CS: variants seen among roughly 807,000 people sequenced by gnomAD.
The protein encoded by CS is citrate synthase.
CS carries 13 observed loss-of-function variants against 61.4 expected under a neutral mutation model. The ratio of observed to expected loss-of-function variants is 0.21; its 90% CI spans 0.14 to 0.34. The LOEUF (loss-of-function observed/expected upper bound fraction) is 0.34. Among genes scored for constraint, CS ranks in the 10% least tolerant of loss-of-function variants. CS has a pLI of 1.00. For missense variants in CS, 278 were observed against 573.4 expected, an observed-to-expected ratio of 0.48 and a Z score of 5.26; for synonymous variants, 159 against 215.2, an observed-to-expected ratio of 0.74 and a Z score of 2.29.
At chr12:56,289,386 G>T (rs1423505468) in intron 1 of CS, among the ~76,000 whole-genome samples, 1 of 152,092 alleles carries the variant, frequency 6.6e-6, no homozygotes, top group Non-Finnish European at 1.5e-5. Flanking sequence ...AGCCCAGCAG[G>T]AGACCTTTTA....
At chr12:56,300,137 T>A in intron 1 of CS, 23 bp downstream of exon 1, 4 of 1,554,948 alleles carry the variant, frequency 2.6e-6, no homozygotes, top group Non-Finnish European at 3.5e-6. Context: ...TGGGACGGCG[T>A]GCTCCCTCCC....
At chr12:56,297,599 G>C (rs1291860228) in intron 1 of CS, among the ~76,000 whole-genome samples, 1 of 152,152 alleles carries the variant, frequency 6.6e-6, no homozygotes, top group African/African-American at 2.4e-5. Flanking sequence ...AGCTACTCAG[G>C]AGGCTGAGTC....
chr12:56,297,604 TGA>T (rs1479731024), intron 1 of CS, among the ~76,000 whole-genome samples: 1 of 152,138 alleles, frequency 6.6e-6, no homozygotes, highest in Non-Finnish European at 1.5e-5. Flanking sequence ...CTCAGGAGGC[TGA>T]GTCACGAGAA....
chr12:56,300,323 G>A lies in CS; in HGVS notation c.-122C>T. 2 of 1,122,774 alleles carry A rather than the reference G, an allele frequency of 1.8e-6. No individual in the cohort carries two copies. Among genetic ancestry groups the A allele is most frequent in the Non-Finnish European group, 2.5e-6 (2 of 791,038 alleles). 69.6% of individuals were successfully genotyped at this position (1,122,774 alleles called of 1,614,324 possible). ...GGGTTGACAAGGTTGAAAGGAGGCG[G>A]CTGAAGGAAAGAGTAGACGAACCGG... On this transcript the variant is annotated 5_prime_UTR_variant, in exon 1 of 11. Coordinates refer to ENST00000351328, the MANE Select transcript of CS (RefSeq NM_004077.3).
At position 56,283,797 on chromosome 12, in the gene CS, C is replaced by G. The variant is rs1383222741; in HGVS notation, c.262G>C (p.Asp88His). ...TTGACATGAAGATGTCTTACCTCAT[C>G]AGGATCAAGAACTGATGTTTCATAG... is the stretch of plus-strand genomic sequence containing the variant. ...LVYETSVLDP[D>H]EGIRFRGFSI... is the part of the protein sequence containing the mutation. Residue 88 changes from aspartate (D) to histidine (H), a missense_variant, in exon 4 of 11, where the codon GAT becomes CAT. By Grantham distance (81) the Asp-to-His change is moderately conservative (BLOSUM62 -1). Coordinates refer to ENST00000351328, the MANE Select transcript of CS (RefSeq NM_004077.3). The G allele has an allele frequency of 6.2e-7, 1 of 1,610,474 alleles. No individual in the cohort carries two copies. Among genetic ancestry groups the G allele is most frequent in the Non-Finnish European group, 8.5e-7 (1 of 1,177,018 alleles).
chr12:56,278,894 C>A (rs1005018633), intron 6 of CS, among the ~76,000 whole-genome samples: 2 of 152,082 alleles, frequency 1.3e-5, no homozygotes, highest in South Asian at 4.1e-4. Context: ...CCACCTCGGC[C>A]TCCTGAGTAG....
At chr12:56,290,454 A>C (rs1203384023) in intron 1 of CS, among the ~76,000 whole-genome samples, 1 of 149,186 alleles carries the variant, frequency 6.7e-6, no homozygotes, top group Non-Finnish European at 1.5e-5. Flanking sequence ...CTCGTGATCC[A>C]CCACCTCGGC....
chr12:56,273,368 C>T, intron 10 of CS, 114 bp from the exon 11 acceptor site: 1 of 1,147,574 alleles, frequency 8.7e-7, no homozygotes, highest in East Asian at 2.5e-5. Context: ...AAGGACTTAG[C>T]CCAGTCAACC....
intron 1 of CS, 57 bp downstream of exon 1, chr12:56,300,103 C>A: frequency 6.6e-7 from 1 of 1,517,878 alleles, no homozygotes; most frequent in Non-Finnish European, 8.9e-7. Flanking sequence ...CGCCGGAGGG[C>A]CTGCGGTCGC....
intron 6 of CS, among the ~76,000 whole-genome samples, chr12:56,281,481 G>A (rs1401753757): frequency 6.6e-6 from 1 of 152,202 alleles, no homozygotes; most frequent in East Asian, 1.9e-4. Flanking sequence ...GGCTAGCCGA[G>A]AACATGACTG....
chr12:56,292,855 G>A (rs902627026), intron 1 of CS, among the ~76,000 whole-genome samples: 1 of 151,900 alleles, frequency 6.6e-6, no homozygotes, highest in African/African-American at 2.4e-5. Flanking sequence ...AGTGAGCCGA[G>A]TTCGCACCAC....
intron 6 of CS, among the ~76,000 whole-genome samples, chr12:56,281,009 T>C (rs1171715311): frequency 6.6e-6 from 1 of 152,218 alleles, no homozygotes; most frequent in Non-Finnish European, 1.5e-5. Flanking sequence ...ACCAACTAAA[T>C]CAATCTAGAT....
chr12:56,284,332 A>C (rs1422737247), intron 3 of CS, among the ~76,000 whole-genome samples: 1 of 149,624 alleles, frequency 6.7e-6, no homozygotes, highest in African/African-American at 2.5e-5. Context: ...AAAAAAAAAA[A>C]AAAAAGAAAA....
Position 56,273,684 on chromosome 12 carries a change from G to C in CS, c.1133C>G (p.Ala378Gly). The change falls in exon 10 of 11, where the codon GCT (alanine) becomes GGT (glycine). Residue 378 changes from alanine to glycine, a missense_variant. Around this residue, in one of 2 missense-constraint regions of CS, gnomAD observed 223 missense variants for 503.5 expected, o/e 0.44. Coordinates refer to ENST00000351328, the MANE Select transcript of CS (RefSeq NM_004077.3). ...LPNDPMFKLV[A>G]QLYKIVPNVL... ...ATTGGGCACAATCTTGTACAGCTGA[G>C]CAACCAACTTAAACATGGGGTCATT... 2.5e-6 allele frequency: 4 copies of C among 1,614,164 alleles called. No homozygotes were observed. Among genetic ancestry groups the C allele is most frequent in the Non-Finnish European group, 3.4e-6 (4 of 1,180,020 alleles).
chr12:56,300,125 C>G (rs1407380596), intron 1 of CS, 35 bp downstream of exon 1: 16 of 1,549,840 alleles, frequency 1.0e-5, no homozygotes, highest in African/African-American at 1.4e-5. Context: ...TCAGCCCCAC[C>G]CTGGGACGGC....
chr12:56,299,041 C>CA (rs112718114), intron 1 of CS, among the ~76,000 whole-genome samples: 11,319 of 134,770 alleles, frequency 0.084, 438 homozygotes, highest in Non-Finnish European at 0.093. Flanking sequence ...TATCCTGTCT[C>CA]AAAAAAAAAA....
intron 3 of CS, 73 bp downstream of exon 3, chr12:56,285,843 G>A (rs2135918864): frequency 2.5e-6 from 3 of 1,204,048 alleles, no homozygotes; most frequent in East Asian, 4.6e-5. Flanking sequence ...TGAATAGTCA[G>A]TGGAGAGAAT....
intron 1 of CS, among the ~76,000 whole-genome samples, chr12:56,290,319 C>T (rs1873078892): frequency 6.6e-6 from 1 of 152,176 alleles, no homozygotes; most frequent in African/African-American, 2.4e-5. Context: ...TCACACTATT[C>T]TCCTGCCTCA....
chr12:56,283,909 C>T, intron 3 of CS, 52 bp from the exon 4 acceptor site: 1 of 1,333,036 alleles, frequency 7.5e-7, no homozygotes, highest in South Asian at 1.2e-5. Context: ...GGCCAGTAAT[C>T]AGAATGATTC....
Sources: allele counts gnomAD v4.1 joint callset (sites outside exome capture counted in the v4.1 genomes callset), GRCh38; gene constraint gnomAD v4.1.1; regional missense constraint gnomAD v4.1.1; transcripts MANE v1.5; gene names NCBI Gene and HGNC (gene_info 2026-07-23, HGNC 2026-07-21).